RAB3C: variants seen among roughly 807,000 people sequenced by gnomAD.
The protein encoded by RAB3C is ras-related protein Rab-3C.
In RAB3C, 17 loss-of-function variants were observed where a neutral mutation model predicts 26.4. The ratio of observed to expected loss-of-function variants is 0.64; its 90% CI spans 0.44 to 0.97. RAB3C has a LOEUF of 0.97. RAB3C is among the 50% of genes least tolerant of loss of function. The pLI, the probability that RAB3C is intolerant of heterozygous loss-of-function variation, is 0.00. For missense variants in RAB3C, 242 were observed against 281.9 expected (o/e 0.86, Z 1.01); for synonymous variants, 91 against 95.9 (o/e 0.95, Z 0.30).
At chr5:58,644,884 G>A (rs1747486611) in intron 2 of RAB3C, among the ~76,000 whole-genome samples, 1 of 152,150 alleles carries the variant, frequency 6.6e-6, no homozygotes, top group Admixed American at 6.5e-5. Context: ...AGCTAAACAG[G>A]AGCACACAGT....
rs568197767 is a variant in RAB3C, at chr5:58,820,932, G to A, written c.372-4106G>A. On this transcript the variant is annotated intron_variant, in intron 3 of 4. Transcript: ENST00000282878. ...TTATGTCAGCAGAACTGAGATACTCGGATGTGTTTAGTGGTAGAAGCAAGC... is the reference window on the plus strand; with the variant it reads ...TTATGTCAGCAGAACTGAGATACTCAGATGTGTTTAGTGGTAGAAGCAAGC... Among the ~76,000 whole-genome samples the A allele has an allele frequency of 1.5e-3, 229 of 152,232 alleles. 1 individual carries two copies. Among genetic ancestry groups the A allele is most frequent in the African/African-American group, 5.3e-3 (222 of 41,550 alleles).
Position 58,617,552 on chromosome 5 carries a change from A to G in RAB3C, c.25-91A>G, listed in dbSNP as rs2279980. The G allele has an allele frequency of 0.23, 235,705 of 1,021,084 alleles. 30,431 individuals are homozygous for G. Among genetic ancestry groups the G allele is most frequent in the African/African-American group, 0.45 (28,253 of 63,482 alleles). 63.3% of individuals were successfully genotyped at this position (1,021,084 alleles called of 1,614,324 possible). A position where few individuals can be genotyped will look rare whatever the true frequency, so the allele number is the denominator to read the frequency against. ...GAGTGTCTGACATCTGTTTCTGGCA[A>G]GGCCAATAATGAGTATGCTGCTAGC... On this transcript the variant is annotated intron_variant, in intron 1 of 4. Coordinates refer to ENST00000282878, the MANE Select transcript of RAB3C (RefSeq NM_138453.4).
intron 2 of RAB3C, among the ~76,000 whole-genome samples, chr5:58,653,917 T>G (rs1747709871): frequency 6.6e-6 from 1 of 152,212 alleles, no homozygotes; most frequent in Non-Finnish European, 1.5e-5. Context: ...TGTAATCTAC[T>G]TATGGTGCCC....
At chr5:58,816,856 C>T (rs896511680) in intron 3 of RAB3C, among the ~76,000 whole-genome samples, 1 of 152,110 alleles carries the variant, frequency 6.6e-6, no homozygotes, top group Non-Finnish European at 1.5e-5. Context: ...TAAGCCAAGG[C>T]CCTATGAAGG....
chr5:58,834,874 ATC>A (rs1743701124), intron 4 of RAB3C, among the ~76,000 whole-genome samples: 1 of 152,154 alleles, frequency 6.6e-6, no homozygotes, highest in Admixed American at 6.5e-5. Flanking sequence ...TGTTAACCTG[ATC>A]TTTATTTCAT....
intron 4 of RAB3C, among the ~76,000 whole-genome samples, chr5:58,850,655 T>C (rs1744095881): frequency 1.3e-5 from 2 of 152,178 alleles, no homozygotes; most frequent in South Asian, 4.1e-4. Flanking sequence ...AGCTTTAAAT[T>C]GATTTAAAAA....
At chr5:58,792,598 G>T (rs1408705444) in intron 3 of RAB3C, among the ~76,000 whole-genome samples, 1 of 152,086 alleles carries the variant, frequency 6.6e-6, no homozygotes, top group Non-Finnish European at 1.5e-5. Flanking sequence ...TGGTGAGGGA[G>T]GGGGGAGATG....
At chr5:58,613,305 C>T (rs1746753916) in intron 1 of RAB3C, among the ~76,000 whole-genome samples, 2 of 152,162 alleles carry the variant, frequency 1.3e-5, no homozygotes, top group African/African-American at 2.4e-5. Flanking sequence ...ATTTGCTTCA[C>T]ATTTTGAATT....
rs530992702 is a variant in RAB3C at position 58,670,080 on chromosome 5, G to C, written c.252+52210G>C. Among the ~76,000 whole-genome samples the C allele has an allele frequency of 5.5e-4, 83 of 152,204 alleles. 1 individual carries two copies. The highest frequency in any genetic ancestry group is 5.2e-3 in the Admixed American group (79 of 15,282). ...TGCCTTTCTCCATATTCTGAGAATT[G>C]CCTGTATTTGAGGGTGGAGGTCATT... On this transcript the variant is annotated intron_variant, in intron 2 of 4. Coordinates refer to ENST00000282878, the MANE Select transcript of RAB3C (RefSeq NM_138453.4).
In RAB3C at chr5:58,641,920, A is replaced by T. The variant is rs561910551; in HGVS notation, c.252+24050A>T. 1.4e-4 allele frequency among the ~76,000 whole-genome samples: 22 copies of T among 152,326 alleles called. No individual in the cohort carries two copies. The South Asian group carries it at 4.1e-3, about 29-fold the overall frequency. ...TAAAATTTCTGGAATATGTCTGACC[A>T]ATATTGGCTTGTGGCAAGTGTAGTT... On this transcript the variant is annotated intron_variant, in intron 2 of 4. Coordinates refer to ENST00000282878, the MANE Select transcript of RAB3C (RefSeq NM_138453.4).
At chr5:58,754,726 T>C (rs1452346022) in intron 3 of RAB3C, among the ~76,000 whole-genome samples, 2 of 152,252 alleles carry the variant, frequency 1.3e-5, no homozygotes, top group African/African-American at 4.8e-5. Flanking sequence ...TCATACTTTA[T>C]GCTTTCTTGA....
chr5:58,767,913 A>C (rs987531403), intron 3 of RAB3C, among the ~76,000 whole-genome samples: 9 of 152,184 alleles, frequency 5.9e-5, no homozygotes, highest in African/African-American at 2.2e-4. Context: ...GATGTGATAG[A>C]GTGTCCAAGA....
intron 3 of RAB3C, among the ~76,000 whole-genome samples, chr5:58,757,641 A>C (rs1288218402): frequency 6.6e-6 from 1 of 152,200 alleles, no homozygotes; most frequent in African/African-American, 2.4e-5. Context: ...TTAATCAGCC[A>C]TACAAGTGTT....
chr5:58,829,946 G>A (rs1488895772), intron 4 of RAB3C, among the ~76,000 whole-genome samples: 4 of 152,088 alleles, frequency 2.6e-5, no homozygotes, highest in East Asian at 1.9e-4. Flanking sequence ...GTCATAAAAC[G>A]TGTATCTTCC....
intron 2 of RAB3C, among the ~76,000 whole-genome samples, chr5:58,687,121 A>G (rs976742342): frequency 6.6e-6 from 1 of 152,106 alleles, no homozygotes; most frequent in Non-Finnish European, 1.5e-5. Context: ...TTAGTGGTTA[A>G]TTGGGAGCAG....
At chr5:58,738,242 G>T (rs1410094454) in intron 3 of RAB3C, among the ~76,000 whole-genome samples, 1 of 151,948 alleles carries the variant, frequency 6.6e-6, no homozygotes, top group Non-Finnish European at 1.5e-5. Context: ...TCCCCAGGCT[G>T]AACACTGAGA....
intron 2 of RAB3C, among the ~76,000 whole-genome samples, chr5:58,644,594 A>G (rs774562619): frequency 6.6e-6 from 1 of 152,206 alleles, no homozygotes; most frequent in Non-Finnish European, 1.5e-5. Context: ...CAAGCCTGGC[A>G]TAGAGGTCAA....
At chr5:58,694,096 C>A (rs926971059) in intron 2 of RAB3C, among the ~76,000 whole-genome samples, 5 of 152,144 alleles carry the variant, frequency 3.3e-5, no homozygotes, top group East Asian at 3.9e-4. Flanking sequence ...CCTCCACCCC[C>A]ACAACAGGCC....
chr5:58,794,054 A>AT (rs1742588691), intron 3 of RAB3C, among the ~76,000 whole-genome samples: 1 of 152,190 alleles, frequency 6.6e-6, no homozygotes, highest in Non-Finnish European at 1.5e-5. Flanking sequence ...TTGAGAGGTC[A>AT]TAAATCAGCA....
Sources: gnomAD v4.1 joint callset for allele counts (sites outside exome capture counted in the v4.1 genomes callset) on GRCh38, gnomAD v4.1.1 for gene constraint, MANE v1.5 for transcripts, NCBI Gene and HGNC (gene_info 2026-07-23, HGNC 2026-07-21) for gene names.